The following KAT2B variants were observed in gnomAD, a reference collection of about 807,000 sequenced individuals.
KAT2B encodes the protein histone acetyltransferase KAT2B.
KAT2B carries 36 observed loss-of-function variants against 105.9 expected under a neutral mutation model. The observed-to-expected ratio is 0.34, with a 90% CI of 0.26 to 0.45. The LOEUF (loss-of-function observed/expected upper bound fraction) is 0.45. Ranked by LOEUF, KAT2B falls within the 20% of genes least tolerant of loss-of-function variation. The probability of loss-of-function intolerance (pLI) is 1.00; values close to 1 mark genes in which losing one functional copy is unlikely to be tolerated. For missense variants in KAT2B, 820 were observed against 1,021.6 expected, an observed-to-expected ratio of 0.80 and a Z score of 2.69; for synonymous variants, 397 against 377.9, an observed-to-expected ratio of 1.05 and a Z score of -0.59.
chr3:20,095,026 A>G (rs991382020), intron 2 of KAT2B, among the ~76,000 whole-genome samples: 2 of 152,202 alleles, frequency 1.3e-5, no homozygotes, highest in African/African-American at 2.4e-5. Context: ...ATTAGCCACC[A>G]GCCCATTTTT....
intron 1 of KAT2B, among the ~76,000 whole-genome samples, chr3:20,069,415 A>G (rs971879296): frequency 6.6e-6 from 1 of 152,194 alleles, no homozygotes; most frequent in African/African-American, 2.4e-5. Context: ...CTCCAAGATC[A>G]ACTTCTGTCC....
chr3:20,066,224 T>C (rs1698220909), intron 1 of KAT2B, among the ~76,000 whole-genome samples: 1 of 152,150 alleles, frequency 6.6e-6, no homozygotes, highest in African/African-American at 2.4e-5. Flanking sequence ...CACTTGGCCT[T>C]CTTTACTGTT....
chr3:20,054,362 C>T (rs35815952), intron 1 of KAT2B, among the ~76,000 whole-genome samples: 11 of 151,744 alleles, frequency 7.2e-5, no homozygotes, highest in African/African-American at 2.7e-4. Flanking sequence ...TTCCTGACCT[C>T]GTGATCCACC....
intron 16 of KAT2B, 42 bp from the exon 17 acceptor site, chr3:20,148,361 G>A: frequency 1.9e-6 from 3 of 1,609,252 alleles, no homozygotes; most frequent in Non-Finnish European, 2.5e-6. Flanking sequence ...TTTCCCACAT[G>A]GAATTTCCAT....
In KAT2B at chr3:20,070,309, C is replaced by CT. The variant is rs66606824; in HGVS notation, c.304-2010dup. ...TTTATTCTCTTTTCTTTCTTTCTTT[C>CT]TTTTTTTTTTTTTTGAGATGGAGTC... On this transcript the variant is annotated intron_variant, in intron 1 of 17. Coordinates refer to ENST00000263754, the MANE Select transcript of KAT2B (RefSeq NM_003884.5). 4.5e-3 allele frequency among the ~76,000 whole-genome samples: 391 copies of CT among 86,504 alleles called. 5 individuals carry two copies. The highest frequency in any genetic ancestry group is 9.7e-3 in the Middle Eastern group (2 of 206). The allele number at this position is 86,504 out of a possible 152,430, so 56.7% of individuals were successfully genotyped here. A position where few individuals can be genotyped will look rare whatever the true frequency, so the allele number is the denominator to read the frequency against.
In KAT2B at chr3:20,113,064, C is replaced by G. The variant is rs574242415; in HGVS notation, c.1043+1277C>G. The stretch of plus-strand genomic sequence containing the variant: ...ATTGTCAAATTTTTCTTTAGAGAAC[C>G]AGTACATGAGACTAAGTCATGACAT... On this transcript the variant is annotated intron_variant, in intron 6 of 17. Transcript: ENST00000263754. Among the ~76,000 whole-genome samples, 125 of 152,224 alleles carry G rather than the reference C, an allele frequency of 8.2e-4. 1 individual carries two copies. The Middle Eastern group carries it at 0.014, about 17-fold the overall frequency.
Position 20,066,823 on chromosome 3 carries a change from ATAT to A in KAT2B, c.304-5503_304-5501del, listed in dbSNP as rs369007231. 7.2e-4 allele frequency among the ~76,000 whole-genome samples: 109 copies of A among 152,138 alleles called. 2 individuals are homozygous for A. In the Middle Eastern group the frequency reaches 0.01, roughly 14 times the overall value. On this transcript the variant is annotated intron_variant, in intron 1 of 17. Transcript: ENST00000263754. ...TTTTACTTTAACTGAATATTTCAAA[ATAT>A]TATTATAATATGTAATCAATATAAA...
chr3:20,074,922 A>G (rs1698390563), intron 2 of KAT2B, among the ~76,000 whole-genome samples: 1 of 152,244 alleles, frequency 6.6e-6, no homozygotes, highest in South Asian at 2.1e-4. Flanking sequence ...TGACTCAGAA[A>G]CAGCATTGAT....
In KAT2B at chr3:20,148,427, A is replaced by G; in HGVS notation, c.2245A>G (p.Met749Val). ...VKSHQSAWPF[M>V]EPVKRTEAPG... ...GAGCCATCAAAGCGCTTGGCCCTTC[A>G]TGGAACCTGTGAAGAGAACAGAAGC... Residue 749 changes from methionine to valine, a missense_variant, in exon 17 of 18, where the codon ATG becomes GTG. Physicochemically the swap from Met to Val is conservative, Grantham distance 21. Coordinates refer to ENST00000263754, the MANE Select transcript of KAT2B (RefSeq NM_003884.5). 3 of 1,611,424 alleles carry G rather than the reference A, an allele frequency of 1.9e-6. No individual in the cohort carries two copies. Among genetic ancestry groups the G allele is most frequent in the East Asian group, 2.2e-5 (1 of 44,876 alleles).
At chr3:20,148,746 G>A (rs962237713) in intron 17 of KAT2B, 1 of 372,546 alleles carries the variant, frequency 2.7e-6, no homozygotes, top group African/African-American at 2.1e-5. Context: ...GGTAACTGCA[G>A]ACAGCACTAG....
At chr3:20,062,791 A>G (rs1376561663) in intron 1 of KAT2B, among the ~76,000 whole-genome samples, 2 of 151,956 alleles carry the variant, frequency 1.3e-5, no homozygotes, top group African/African-American at 4.8e-5. Flanking sequence ...GATGTTGAGC[A>G]TCTTTTCATG....
intron 1 of KAT2B, 64 bp downstream of exon 1, chr3:20,040,844 C>T: frequency 2.0e-6 from 3 of 1,471,988 alleles, no homozygotes; most frequent in Non-Finnish European, 2.7e-6. Context: ...GGACCCCCCT[C>T]CCCCTCCCGC....
rs547121253 is a variant in KAT2B at position 20,122,432 on chromosome 3, G to A, written c.1277-236G>A. Among the ~76,000 whole-genome samples the A allele has an allele frequency of 3.9e-5, 6 of 152,270 alleles. No homozygotes were observed. In the South Asian group the frequency reaches 1.0e-3, roughly 26 times the overall value. Reference sequence around the variant, plus strand: ...AGGAACATGTGCCTTAATATTTCATGTATCTAGTTAAAAATCATCATAGAA... The same window carrying A: ...AGGAACATGTGCCTTAATATTTCATATATCTAGTTAAAAATCATCATAGAA... On this transcript the variant is annotated intron_variant, in intron 8 of 17. Transcript: ENST00000263754.
chr3:20,049,463 C>A (rs1006146036), intron 1 of KAT2B, among the ~76,000 whole-genome samples: 2 of 152,186 alleles, frequency 1.3e-5, no homozygotes, highest in African/African-American at 4.8e-5. Flanking sequence ...TAAGTGACTT[C>A]TTCAAGCTAC....
chr3:20,057,699 C>G (rs1292123943), intron 1 of KAT2B, among the ~76,000 whole-genome samples: 1 of 152,122 alleles, frequency 6.6e-6, no homozygotes, highest in Non-Finnish European at 1.5e-5. Flanking sequence ...CACCCAGGAC[C>G]TCCTGAGGCC....
intron 1 of KAT2B, among the ~76,000 whole-genome samples, chr3:20,043,909 G>A (rs1697761492): frequency 6.6e-6 from 1 of 151,624 alleles, no homozygotes; most frequent in Admixed American, 6.6e-5. Context: ...GAATGAGGAG[G>A]GATCTAGAAA....
intron 1 of KAT2B, among the ~76,000 whole-genome samples, chr3:20,051,377 G>GCTATGGAC (rs2125166346): frequency 6.6e-6 from 1 of 152,258 alleles, no homozygotes; most frequent in South Asian, 2.1e-4. Flanking sequence ...CTCCCCTGGA[G>GCTATGGAC]TCCGTATTGG....
At chr3:20,113,334 C>G (rs3792279) in intron 6 of KAT2B, among the ~76,000 whole-genome samples, 4,132 of 152,224 alleles carry the variant, frequency 0.027, 196 homozygotes, top group East Asian at 0.2. Context: ...AGTCAAGGTA[C>G]AAAGAAGACT....
chr3:20,058,453 C>CAAAAAAAAAAAAAAAAA (rs35239760), intron 1 of KAT2B, among the ~76,000 whole-genome samples: 1 of 74,550 alleles, frequency 1.3e-5, no homozygotes, highest in Non-Finnish European at 2.5e-5. Flanking sequence ...GACTCTGTCT[C>CAAAAAAAAAAAAAAAAA]AAAAAAAAAA....
Sources: gnomAD v4.1 joint callset for allele counts (sites outside exome capture counted in the v4.1 genomes callset) on GRCh38, gnomAD v4.1.1 for gene constraint, MANE v1.5 for transcripts, NCBI Gene and HGNC (gene_info 2026-07-23, HGNC 2026-07-21) for gene names.